Variants in SPAG16 observed in about 807,000 individuals in gnomAD.
SPAG16 encodes the protein sperm associated antigen 16.
SPAG16 carries 86 observed loss-of-function variants against 80.4 expected under a neutral mutation model. That is an observed-to-expected ratio of 1.07 (90% confidence interval 0.90 to 1.28). The LOEUF is 1.28. Among genes scored for constraint, SPAG16 ranks in the 50% most tolerant of loss-of-function variants. The pLI, the probability that SPAG16 is intolerant of heterozygous loss-of-function variation, is 0.00. For missense variants in SPAG16, 870 were observed against 765.3 expected, an observed-to-expected ratio of 1.14 and a Z score of -1.61; for synonymous variants, 294 against 265.9, an observed-to-expected ratio of 1.11 and a Z score of -1.03.
chr2:213,894,385 T>G (rs74980038), intron 11 of SPAG16, among the ~76,000 whole-genome samples: 1 of 152,242 alleles, frequency 6.6e-6, no homozygotes, highest in South Asian at 2.1e-4. Context: ...CTTGATAAAA[T>G]TTAAATCACT....
chr2:214,064,770 C>G (rs1576039594), intron 13 of SPAG16, among the ~76,000 whole-genome samples: 1 of 151,996 alleles, frequency 6.6e-6, no homozygotes, highest in African/African-American at 2.4e-5. Flanking sequence ...TGTAAATTCA[C>G]TGAAGATGTT....
intron 4 of SPAG16, among the ~76,000 whole-genome samples, chr2:213,315,709 T>C (rs1012388273): frequency 6.6e-6 from 1 of 150,732 alleles, no homozygotes; most frequent in Non-Finnish European, 1.5e-5. Context: ...TTTTTTTTAA[T>C]AGTGACTTTC....
chr2:214,139,967 C>T (rs1380222669), intron 14 of SPAG16, among the ~76,000 whole-genome samples: 1 of 152,188 alleles, frequency 6.6e-6, no homozygotes. Context: ...ACTTATAAGG[C>T]TCTACTTGAA....
intron 10 of SPAG16, among the ~76,000 whole-genome samples, chr2:213,593,212 T>C (rs1396597752): frequency 1.3e-5 from 2 of 152,156 alleles, no homozygotes; most frequent in Non-Finnish European, 2.9e-5. Context: ...ATATGCTTCT[T>C]GATATTTTCC....
intron 10 of SPAG16, among the ~76,000 whole-genome samples, chr2:213,821,572 T>C (rs2072937190): frequency 6.6e-6 from 1 of 152,170 alleles, no homozygotes; most frequent in Non-Finnish European, 1.5e-5. Flanking sequence ...ATGTATACTA[T>C]TTTAGTTACT....
chr2:213,495,272 C>A (rs776068140), intron 10 of SPAG16, among the ~76,000 whole-genome samples: 21 of 152,214 alleles, frequency 1.4e-4, no homozygotes, highest in Non-Finnish European at 2.5e-4. Context: ...CCTAAGACTT[C>A]CAGTGGGATT....
chr2:213,567,501 C>T (rs1166607971), intron 10 of SPAG16, among the ~76,000 whole-genome samples: 44 of 117,150 alleles, frequency 3.8e-4, no homozygotes, highest in Admixed American at 4.6e-4. Context: ...TTTGTTCTTG[C>T]GATAGTTTAC....
In SPAG16 at chr2:214,376,542, T is replaced by C. The variant is rs150993828; in HGVS notation, c.1721-33598T>C. On this transcript the variant is annotated intron_variant, in intron 15 of 15. Transcript: ENST00000331683. The stretch of plus-strand genomic sequence containing the variant: ...CAAAATAATAGGACCAAAATGGAAA[T>C]TGTTTGGTTTGACACTATATTTTCT... 1.7e-3 allele frequency among the ~76,000 whole-genome samples: 265 copies of C among 152,212 alleles called. 1 individual carries two copies. The highest frequency in any genetic ancestry group is 2.8e-3 in the Non-Finnish European group (191 of 68,002).
At chr2:213,582,079 C>T (rs953505917) in intron 10 of SPAG16, among the ~76,000 whole-genome samples, 1 of 152,000 alleles carries the variant, frequency 6.6e-6, no homozygotes, top group Non-Finnish European at 1.5e-5. Context: ...GTCAACTTAA[C>T]CTAAATTATA....
At chr2:213,360,717 A>G (rs1351859652) in intron 7 of SPAG16, among the ~76,000 whole-genome samples, 2 of 152,246 alleles carry the variant, frequency 1.3e-5, no homozygotes, top group Non-Finnish European at 2.9e-5. Context: ...TCATGGAGCT[A>G]TAGAATGAAT....
chr2:214,259,523 G>A lies in SPAG16; in HGVS notation c.1720+110257G>A, dbSNP rs74800306. ...TTCTGGCTCTCTCCTTTCCTGGATTGTCACCTGCCCCCCTCACCCCTCCCC... is the reference window on the plus strand; with the variant it reads ...TTCTGGCTCTCTCCTTTCCTGGATTATCACCTGCCCCCCTCACCCCTCCCC... On this transcript the variant is annotated intron_variant, in intron 15 of 15. Coordinates refer to ENST00000331683, the MANE Select transcript of SPAG16 (RefSeq NM_024532.5). Among the ~76,000 whole-genome samples the A allele has an allele frequency of 3.5e-3, 324 of 93,468 alleles. 2 individuals carry two copies. The highest frequency in any genetic ancestry group is 0.012 in the African/African-American group (282 of 23,280). 61.3% of individuals were successfully genotyped at this position (93,468 alleles called of 152,430 possible). A position where few individuals can be genotyped will look rare whatever the true frequency, so the allele number is the denominator to read the frequency against.
intron 3 of SPAG16, among the ~76,000 whole-genome samples, chr2:213,301,766 A>G (rs1445666905): frequency 6.6e-6 from 1 of 151,998 alleles, no homozygotes; most frequent in Non-Finnish European, 1.5e-5. Context: ...CCTTCTTGAT[A>G]TGCTTCCTGT....
chr2:213,352,251 A>G (rs2065375054), intron 7 of SPAG16, among the ~76,000 whole-genome samples: 1 of 152,036 alleles, frequency 6.6e-6, no homozygotes, highest in South Asian at 2.1e-4. Context: ...GTGAGAATGA[A>G]CTAATACAAA....
Position 214,298,933 on chromosome 2 carries a change from T to C in SPAG16, c.1721-111207T>C, listed in dbSNP as rs144154753. On this transcript the variant is annotated intron_variant, in intron 15 of 15. Coordinates refer to ENST00000331683, the MANE Select transcript of SPAG16 (RefSeq NM_024532.5). Reference sequence around the variant, plus strand: ...ATTTGTGAGTGCCTAGTCAGGGGTATAGTATGAACAAATTTGGTATTTTTG... The same window carrying C: ...ATTTGTGAGTGCCTAGTCAGGGGTACAGTATGAACAAATTTGGTATTTTTG... Among the ~76,000 whole-genome samples the C allele has an allele frequency of 1.7e-3, 256 of 152,276 alleles. 2 individuals are homozygous for C. The highest frequency in any genetic ancestry group is 5.5e-3 in the African/African-American group (230 of 41,546).
intron 10 of SPAG16, among the ~76,000 whole-genome samples, chr2:213,607,556 C>T (rs2061306328): frequency 6.6e-6 from 1 of 152,122 alleles, no homozygotes; most frequent in Non-Finnish European, 1.5e-5. Flanking sequence ...AAGGAGAGTG[C>T]TAGTAGGTAT....
chr2:213,819,539 T>G (rs1188912632), intron 10 of SPAG16, among the ~76,000 whole-genome samples: 1 of 152,190 alleles, frequency 6.6e-6, no homozygotes, highest in African/African-American at 2.4e-5. Context: ...TAAATGCACA[T>G]TCTTTGAAAA....
chr2:213,786,733 G>C (rs1389032634), intron 10 of SPAG16, among the ~76,000 whole-genome samples: 1 of 152,054 alleles, frequency 6.6e-6, no homozygotes, highest in Non-Finnish European at 1.5e-5. Flanking sequence ...AATGTGTTCA[G>C]CATAGATTAA....
chr2:214,093,588 C>T (rs1188882087), intron 13 of SPAG16, among the ~76,000 whole-genome samples: 7 of 151,714 alleles, frequency 4.6e-5, no homozygotes, highest in East Asian at 1.9e-4. Context: ...CTCATGCACG[C>T]GTGTCTATGG....
At chr2:213,490,866 T>C (rs1480067527) in intron 10 of SPAG16, among the ~76,000 whole-genome samples, 3 of 152,212 alleles carry the variant, frequency 2.0e-5, no homozygotes, top group African/African-American at 4.8e-5. Flanking sequence ...ATTTGTTTTG[T>C]AATTGCTCCT....
Sources: allele counts gnomAD v4.1 joint callset (sites outside exome capture counted in the v4.1 genomes callset), GRCh38; gene constraint gnomAD v4.1.1; transcripts MANE v1.5; gene names NCBI Gene and HGNC (gene_info 2026-07-23, HGNC 2026-07-21).